Variants in TMEM171 observed in about 807,000 individuals in gnomAD.
TMEM171 encodes the protein proline-rich protein PRP2.
In TMEM171, 16 loss-of-function variants were observed where a neutral mutation model predicts 19.1. The ratio of observed to expected loss-of-function variants is 0.84; its 90% CI spans 0.57 to 1.27. The LOEUF is 1.27. Among genes scored for constraint, TMEM171 ranks in the 50% most tolerant of loss-of-function variants. The pLI is 0.00. For synonymous variants in TMEM171, 153 were observed against 163.4 expected (o/e 0.94, Z 0.48); for missense variants, 429 against 412.7 (o/e 1.04, Z -0.34).
intron 2 of TMEM171, among the ~76,000 whole-genome samples, chr5:73,125,585 G>T (rs1441377105): frequency 6.6e-6 from 1 of 152,184 alleles, no homozygotes; most frequent in Non-Finnish European, 1.5e-5. Context: ...GAAAAAAGGG[G>T]CTCCCTTTAA....
rs527314748 is a variant in TMEM171, at chr5:73,129,510, T to A, written c.782+979T>A. On this transcript the variant is annotated intron_variant, in intron 3 of 3. Coordinates refer to ENST00000454765, the MANE Select transcript of TMEM171 (RefSeq NM_173490.8). ...GGAAAGTTAGGGTTTTCCTTTCAAT[T>A]TAGTTCTAGGAAGTCAGCGTGAAAC... Among the ~76,000 whole-genome samples, 4 of 152,286 alleles carry A rather than the reference T, an allele frequency of 2.6e-5. No homozygotes were observed. The East Asian group carries it at 5.8e-4, about 22-fold the overall frequency.
At chr5:73,127,407 A>ATATATATATATATATATATAT (rs1364234564) in intron 2 of TMEM171, among the ~76,000 whole-genome samples, 43 of 136,984 alleles carry the variant, frequency 3.1e-4, no homozygotes, top group African/African-American at 8.3e-4. Flanking sequence ...ATATATATAT[A>ATATATATATATATATATATAT]AAGCATAAAC....
chr5:73,127,131 A>C (rs1744181306), intron 2 of TMEM171, among the ~76,000 whole-genome samples: 1 of 152,054 alleles, frequency 6.6e-6, no homozygotes, highest in African/African-American at 2.4e-5. Context: ...GGCTGAAACT[A>C]CATTTGAGGA....
intron 2 of TMEM171, among the ~76,000 whole-genome samples, chr5:73,126,759 ATGC>A (rs1158471243): frequency 6.6e-6 from 1 of 152,336 alleles, no homozygotes; most frequent in African/African-American, 2.4e-5. Flanking sequence ...AGCATCAGAC[ATGC>A]TAGGAGTGTG....
At position 73,123,234 on chromosome 5, in the gene TMEM171, G is replaced by T. The variant is rs1047491711; in HGVS notation, c.-68-72G>T. 5 of 1,360,088 alleles carry T rather than the reference G, an allele frequency of 3.7e-6. No homozygotes were observed. The African/African-American group carries it at 4.4e-5, about 12-fold the overall frequency. The allele number at this position is 1,360,088 out of a possible 1,614,324, so 84.3% of individuals were successfully genotyped here. On this transcript the variant is annotated intron_variant, in intron 1 of 3. Transcript: ENST00000454765. The stretch of plus-strand genomic sequence containing the variant: ...CTCATTGTGGTGTGATTTCAGAAAT[G>T]ATCAGCAAAAAACCAGGGTGGTTCT...
At chr5:73,129,410 C>T (rs1315701209) in intron 3 of TMEM171, among the ~76,000 whole-genome samples, 1 of 152,208 alleles carries the variant, frequency 6.6e-6, no homozygotes, top group Non-Finnish European at 1.5e-5. Flanking sequence ...ATTAGAGGCA[C>T]TTTCAATTTC....
At chr5:73,121,288 A>G (rs1415930214) in intron 1 of TMEM171, among the ~76,000 whole-genome samples, 1 of 152,198 alleles carries the variant, frequency 6.6e-6, no homozygotes, top group African/African-American at 2.4e-5. Flanking sequence ...AGTTGACTAT[A>G]CTGGGAATAA....
At chr5:73,128,123 C>T (rs1744228387) in intron 2 of TMEM171, among the ~76,000 whole-genome samples, 1 of 152,104 alleles carries the variant, frequency 6.6e-6, no homozygotes, top group South Asian at 2.1e-4. Flanking sequence ...ATTTCTGGAA[C>T]TCTTCCATTA....
At chr5:73,125,323 G>A (rs528981459) in intron 2 of TMEM171, among the ~76,000 whole-genome samples, 1 of 152,268 alleles carries the variant, frequency 6.6e-6, no homozygotes, top group South Asian at 2.1e-4. Flanking sequence ...TCCCCTGTGT[G>A]AAATTCATTC....
intron 3 of TMEM171, 106 bp from the exon 4 acceptor site, chr5:73,131,432 A>C (rs1744351987): frequency 1.2e-6 from 1 of 835,792 alleles, no homozygotes; most frequent in Non-Finnish European, 1.7e-6. Flanking sequence ...AGATTCTTGC[A>C]AATACTCTTA....
Position 73,123,425 on chromosome 5 carries a change from G to T in TMEM171, c.52G>T (p.Val18Phe). Reference protein sequence around the residue: ...EPDGDQQDRHVSKLIFCFFVF... With the variant: ...EPDGDQQDRHFSKLIFCFFVF... ...AGATGGGGACCAGCAGGACAGACAC[G>T]TCAGCAAACTCATCTTCTGCTTCTT... Residue 18 changes from valine (V) to phenylalanine (F), a missense_variant, in exon 2 of 4, where the codon GTC becomes TTC. Coordinates refer to ENST00000454765, the MANE Select transcript of TMEM171 (RefSeq NM_173490.8). The T allele has an allele frequency of 6.2e-7, 1 of 1,614,204 alleles. No homozygotes were observed. The highest frequency in any genetic ancestry group is 8.5e-7 in the Non-Finnish European group (1 of 1,180,034).
chr5:73,128,018 TATA>T (rs1275256995), intron 2 of TMEM171, among the ~76,000 whole-genome samples: 8 of 152,300 alleles, frequency 5.3e-5, no homozygotes, highest in African/African-American at 1.7e-4. Context: ...GTGGTGGGAT[TATA>T]GGTGTGAGCC....
At position 73,123,623 on chromosome 5, in the gene TMEM171, C is replaced by T. The variant is rs1322886026; in HGVS notation, c.250C>T (p.Gln84Ter). The T allele has an allele frequency of 6.2e-7, 1 of 1,614,228 alleles. No homozygotes were observed. Among genetic ancestry groups the T allele is most frequent in the South Asian group, 1.1e-5 (1 of 91,084 alleles). Reference sequence around the variant, plus strand: ...CCTGGCCCGCTCCCGGGCGCAACTTCAGCTCCGTGCAGGGCTGCAGAGAGG... The same window carrying T: ...CCTGGCCCGCTCCCGGGCGCAACTTTAGCTCCGTGCAGGGCTGCAGAGAGG... ...VILARSRAQL[Q>*]LRAGLQRGQQ... is the part of the protein sequence containing the mutation. Residue 84 changes from glutamine to a stop codon, truncating the protein, a stop_gained, in exon 2 of 4, where the codon CAG (glutamine) becomes TAG (stop). Coordinates refer to ENST00000454765, the MANE Select transcript of TMEM171 (RefSeq NM_173490.8). LOFTEE classifies it high-confidence loss of function.
chr5:73,127,384 A>AAATAT, intron 2 of TMEM171, among the ~76,000 whole-genome samples: 14 of 81,678 alleles, frequency 1.7e-4, no homozygotes, highest in South Asian at 8.8e-4. Flanking sequence ...AAAAAAAAAA[A>AAATAT]ATATATATAT....
rs1351411898 is a variant in TMEM171, at chr5:73,131,521, T to C, written c.783-17T>C. On this transcript the variant is annotated splice_polypyrimidine_tract_variant and intron_variant, in intron 3 of 3. Coordinates refer to ENST00000454765, the MANE Select transcript of TMEM171 (RefSeq NM_173490.8). ...TTTTCATCCCCTCCCCTTCATGTTC[T>C]CTCTCCTTCTCTTTAGCAGGACCCC... 1.3e-6 allele frequency: 2 copies of C among 1,566,668 alleles called. No individual in the cohort carries two copies.
intron 1 of TMEM171, among the ~76,000 whole-genome samples, chr5:73,122,914 A>C (rs1033721256): frequency 3.3e-5 from 5 of 152,196 alleles, no homozygotes; most frequent in Non-Finnish European, 7.4e-5. Context: ...GCTATGATGA[A>C]AAGTGGGGCA....
intron 2 of TMEM171, among the ~76,000 whole-genome samples, chr5:73,127,743 C>CTT (rs1227330280): frequency 8.8e-5 from 12 of 136,464 alleles, no homozygotes; most frequent in South Asian, 2.4e-4. Context: ...CCACGCCTGG[C>CTT]TTTTTTTTTT....
Position 73,123,821 on chromosome 5 carries a change from A to G in TMEM171, c.448A>G (p.Thr150Ala), listed in dbSNP as rs776198094. 4 of 1,612,724 alleles carry G rather than the reference A, an allele frequency of 2.5e-6. No individual in the cohort carries two copies. In the African/African-American group the frequency reaches 5.3e-5, roughly 22 times the overall value. Residue 150 changes from threonine (T) to alanine (A), a missense_variant, in exon 2 of 4, where the codon ACT (threonine) becomes GCT (alanine). By Grantham distance (58) the Thr-to-Ala change is moderately conservative. Coordinates refer to ENST00000454765, the MANE Select transcript of TMEM171 (RefSeq NM_173490.8). ...GCAGGAACCGCTAAACGAGACAGAC[A>G]CTGGCGACTCAGAGCCCCGGATGTG... ...WAQEPLNETD[T>A]GDSEPRMCGF...
chr5:73,121,763 C>T (rs1165019049), intron 1 of TMEM171, among the ~76,000 whole-genome samples: 3 of 152,190 alleles, frequency 2.0e-5, no homozygotes, highest in Non-Finnish European at 4.4e-5. Context: ...CCTAAACTGA[C>T]CTTCCCTCAG....
Sources: allele counts gnomAD v4.1 joint callset (sites outside exome capture counted in the v4.1 genomes callset), GRCh38; gene constraint gnomAD v4.1.1; transcripts MANE v1.5; gene names NCBI Gene and HGNC (gene_info 2026-07-23, HGNC 2026-07-21).